ZNF384: variants seen among roughly 807,000 people sequenced by gnomAD.
ZNF384 encodes the protein CAG repeat protein 1.
ZNF384 carries 20 observed loss-of-function variants against 65.0 expected under a neutral mutation model. That is an observed-to-expected ratio of 0.31 (90% CI 0.22 to 0.45). The LOEUF is 0.45. Among genes scored for constraint, ZNF384 ranks in the 20% least tolerant of loss-of-function variants. The pLI, the probability that ZNF384 is intolerant of heterozygous loss-of-function variation, is 1.00. For missense variants in ZNF384, 549 were observed against 769.4 expected, an observed-to-expected ratio of 0.71 and a Z score of 3.39; for synonymous variants, 310 against 303.9, an observed-to-expected ratio of 1.02 and a Z score of -0.21.
In ZNF384 at chr12:6,667,964, T is replaced by A. The variant is rs766619712; in HGVS notation, c.1577A>T (p.Gln526Leu). 6.2e-7 allele frequency: 1 copy of A among 1,611,522 alleles called. No homozygotes were observed. The highest frequency in any genetic ancestry group is 2.2e-5 in the East Asian group (1 of 44,840). The change falls in exon 12 of 12, where the codon CAG becomes CTG. Residue 526 changes from glutamine (Q) to leucine (L), a missense_variant. This residue lies in a region of ZNF384 where 136 missense variants were observed against 183.0 expected (regional missense o/e 0.74). Transcript: ENST00000683879. ...CTGCTGCTGTGATGCCTGGGAGGCCTGGGCCTGGGCCTGGGCTTGAGCCTG... is the reference window on the plus strand; with the variant it reads ...CTGCTGCTGTGATGCCTGGGAGGCCAGGGCCTGGGCCTGGGCTTGAGCCTG... ...QAQAQAQAQAQASQASQQQQQ... is the reference protein window; with the variant it reads ...QAQAQAQAQALASQASQQQQQ...
intron 11 of ZNF384, among the ~76,000 whole-genome samples, chr12:6,668,644 A>T (rs1950385742): frequency 6.6e-6 from 1 of 150,976 alleles, no homozygotes; most frequent in African/African-American, 2.4e-5. Flanking sequence ...TGGAGGTTAC[A>T]GTGAGCCGAG....
intron 9 of ZNF384, 63 bp from the exon 10 acceptor site, chr12:6,670,901 C>CA: frequency 6.8e-7 from 1 of 1,478,780 alleles, no homozygotes; most frequent in Non-Finnish European, 9.4e-7. Context: ...ACTGGCTCAA[C>CA]AAATCTTCTC....
At position 6,678,927 on chromosome 12, in the gene ZNF384, G is replaced by A; in HGVS notation, c.304+19C>T. 1 of 1,609,554 alleles carries A rather than the reference G, an allele frequency of 6.2e-7. No individual in the cohort carries two copies. The highest frequency in any genetic ancestry group is 2.2e-5 in the East Asian group (1 of 44,868). On this transcript the variant is annotated intron_variant, in intron 4 of 11. Coordinates refer to ENST00000683879, the MANE Select transcript of ZNF384 (RefSeq NM_001385745.1). The surrounding 1 kb of genome is among the most constrained non-coding windows in gnomAD (Gnocchi z 4.9). ...TGGAAGATCAACACCTCAGATTGGA[G>A]AAGAGCAGAGTTGCTCACCAGCAGT...
intron 10 of ZNF384, among the ~76,000 whole-genome samples, chr12:6,670,432 T>A (rs1951087243): frequency 6.6e-6 from 1 of 151,988 alleles, no homozygotes; most frequent in Non-Finnish European, 1.5e-5. Flanking sequence ...GTCCCAAAAA[T>A]AAAAAATAGA....
Position 6,673,060 on chromosome 12 carries a change from G to C in ZNF384, c.1004+156C>G. 1 of 709,758 alleles carries C rather than the reference G, an allele frequency of 1.4e-6. No individual in the cohort carries two copies. The highest frequency in any genetic ancestry group is 2.3e-6 in the Non-Finnish European group (1 of 426,682). The allele number at this position is 709,758 out of a possible 1,614,324, so 44.0% of individuals were successfully genotyped here. Reference sequence around the variant, plus strand: ...TTTTCAAGGCCCCCCAAATAGCTAGGATATATAATTTCCACAGACAGTAAT... The same window carrying C: ...TTTTCAAGGCCCCCCAAATAGCTAGCATATATAATTTCCACAGACAGTAAT... On this transcript the variant is annotated intron_variant, in intron 8 of 11. Coordinates refer to ENST00000683879, the MANE Select transcript of ZNF384 (RefSeq NM_001385745.1). This position sits in a 1 kb window ranked among gnomAD's most constrained non-coding sequence, Gnocchi z 4.7.
In ZNF384 at chr12:6,672,084, C is replaced by T. The variant is rs1045182001; in HGVS notation, c.1187+266G>A. ...GAAAATTAGAGAAAAGTTGTTTCTA[C>T]TCCAGGTACGTGTCTGTCTCCCATG... On this transcript the variant is annotated intron_variant, in intron 9 of 11. Coordinates refer to ENST00000683879, the MANE Select transcript of ZNF384 (RefSeq NM_001385745.1). This position sits in a 1 kb window ranked among gnomAD's most constrained non-coding sequence, Gnocchi z 4.4. 5 of 398,810 alleles carry T rather than the reference C, an allele frequency of 1.3e-5. No homozygotes were observed. Among genetic ancestry groups the T allele is most frequent in the African/African-American group, 8.1e-5 (4 of 49,140 alleles). 24.7% of individuals were successfully genotyped at this position (398,810 alleles called of 1,614,324 possible).
At chr12:6,674,685 G>A (rs959181588) in intron 7 of ZNF384, among the ~76,000 whole-genome samples, 7 of 152,324 alleles carry the variant, frequency 4.6e-5, no homozygotes, top group Middle Eastern at 3.4e-3. Flanking sequence ...GTGGGAATCA[G>A]GATGCCTGGG....
intron 11 of ZNF384, among the ~76,000 whole-genome samples, chr12:6,668,755 C>T (rs1211127938): frequency 6.6e-6 from 1 of 151,500 alleles, no homozygotes; most frequent in African/African-American, 2.4e-5. Context: ...TAACTGAAAT[C>T]CAGCTCCCCT....
Position 6,667,431 on chromosome 12 carries a change from T to C in ZNF384, c.*283A>G. On this transcript the variant is annotated 3_prime_UTR_variant, in exon 12 of 12. Transcript: ENST00000683879. Reference sequence around the variant, plus strand: ...GTTCTATGAGGTCATAGCAAATCCTTCCCTTGAGCACCGACCCCCAGTTTT... The same window carrying C: ...GTTCTATGAGGTCATAGCAAATCCTCCCCTTGAGCACCGACCCCCAGTTTT... The C allele has an allele frequency of 1.8e-6, 1 of 549,086 alleles. No homozygotes were observed. Among genetic ancestry groups the C allele is most frequent in the East Asian group, 3.2e-5 (1 of 31,160 alleles). 34.0% of individuals were successfully genotyped at this position (549,086 alleles called of 1,614,324 possible).
chr12:6,674,117 G>A lies in ZNF384; in HGVS notation c.780-677C>T, dbSNP rs545788487. Among the ~76,000 whole-genome samples, 22 of 152,296 alleles carry A rather than the reference G, an allele frequency of 1.4e-4. No individual in the cohort carries two copies. In the South Asian group the frequency reaches 3.9e-3, roughly 27 times the overall value. On this transcript the variant is annotated intron_variant, in intron 7 of 11. Coordinates refer to ENST00000683879, the MANE Select transcript of ZNF384 (RefSeq NM_001385745.1). Reference sequence around the variant, plus strand: ...GAAAACCACTTTTGCAATGACCAACGTAGCTGCTAGGGGAAGGTGCCATCC... The same window carrying A: ...GAAAACCACTTTTGCAATGACCAACATAGCTGCTAGGGGAAGGTGCCATCC...
intron 7 of ZNF384, among the ~76,000 whole-genome samples, chr12:6,675,914 C>A (rs1242949730): frequency 6.6e-6 from 1 of 152,116 alleles, no homozygotes; most frequent in Non-Finnish European, 1.5e-5. Context: ...TAACAGAACC[C>A]AACTGCCCCA....
chr12:6,686,272 G>A (rs530262795), intron 2 of ZNF384, among the ~76,000 whole-genome samples: 32 of 152,224 alleles, frequency 2.1e-4, no homozygotes, highest in African/African-American at 6.5e-4. Flanking sequence ...CTTTTTTTAT[G>A]AGACAGAGTC....
rs1019804705 is a variant in ZNF384, at chr12:6,686,534, G to A, written c.-6+1633C>T. On this transcript the variant is annotated intron_variant, in intron 2 of 11. Coordinates refer to ENST00000683879, the MANE Select transcript of ZNF384 (RefSeq NM_001385745.1). ...CTCCCAAAGTGCTGAGATTACAGGC[G>A]TAAGCCACCGTGCCCGGCCAAGACT... Among the ~76,000 whole-genome samples the A allele has an allele frequency of 3.3e-5, 5 of 152,344 alleles. No individual in the cohort carries two copies. The South Asian group carries it at 6.2e-4, about 19-fold the overall frequency.
At position 6,678,770 on chromosome 12, in the gene ZNF384, T is replaced by C; in HGVS notation, c.305-60A>G. The C allele has an allele frequency of 6.3e-7, 1 of 1,579,046 alleles. No homozygotes were observed. The highest frequency in any genetic ancestry group is 8.7e-7 in the Non-Finnish European group (1 of 1,149,222). The stretch of plus-strand genomic sequence containing the variant: ...AAAGGCAGGGACCGCATCTTCTACT[T>C]CTTTGTATCCCCCACAATGCCTAGC... On this transcript the variant is annotated intron_variant, in intron 4 of 11. Transcript: ENST00000683879. This position sits in a 1 kb window ranked among gnomAD's most constrained non-coding sequence, Gnocchi z 4.9.
intron 10 of ZNF384, 33 bp from the exon 11 acceptor site, chr12:6,669,222 A>G (rs761777205): frequency 5.1e-6 from 8 of 1,575,666 alleles, no homozygotes; most frequent in South Asian, 1.1e-5. Context: ...GAATGAATAC[A>G]TTGTACTCTT....
At chr12:6,669,997 TC>T (rs1950919626) in intron 10 of ZNF384, among the ~76,000 whole-genome samples, 2 of 152,178 alleles carry the variant, frequency 1.3e-5, no homozygotes, top group African/African-American at 4.8e-5. Flanking sequence ...GAAATCTTGT[TC>T]CCCTCAAAAT....
At position 6,672,237 on chromosome 12, in the gene ZNF384, T is replaced by G; in HGVS notation, c.1187+113A>C. 1 of 1,204,820 alleles carries G rather than the reference T, an allele frequency of 8.3e-7. No individual in the cohort carries two copies. The highest frequency in any genetic ancestry group is 1.6e-5 in the South Asian group (1 of 64,098). 74.6% of individuals were successfully genotyped at this position (1,204,820 alleles called of 1,614,324 possible). ...TCCCAGATGCCAGCCAGGTCTCTCC[T>G]CCAGCCAGGTCTCTCCCCCGCCCCC... On this transcript the variant is annotated intron_variant, in intron 9 of 11. Coordinates refer to ENST00000683879, the MANE Select transcript of ZNF384 (RefSeq NM_001385745.1). The surrounding 1 kb of genome is among the most constrained non-coding windows in gnomAD (Gnocchi z 4.4).
rs1565417241 is a variant in ZNF384, at chr12:6,667,677, A to T, written c.*37T>A. 6.2e-7 allele frequency: 1 copy of T among 1,613,218 alleles called. No homozygotes were observed. Among genetic ancestry groups the T allele is most frequent in the South Asian group, 1.1e-5 (1 of 91,056 alleles). On this transcript the variant is annotated 3_prime_UTR_variant, in exon 12 of 12. Coordinates refer to ENST00000683879, the MANE Select transcript of ZNF384 (RefSeq NM_001385745.1). ...GTTGGAGAAAGAAGACACCAGGACT[A>T]CTTCTTCCTCTTCCCAGTGGGTGGC... is the stretch of plus-strand genomic sequence containing the variant.
intron 10 of ZNF384, among the ~76,000 whole-genome samples, chr12:6,669,528 C>T (rs1273530039): frequency 2.0e-5 from 3 of 150,676 alleles, no homozygotes; most frequent in African/African-American, 7.3e-5. Context: ...GATGAAGTCT[C>T]TCACTCTGTC....
Sources: gnomAD v4.1 joint callset for allele counts (sites outside exome capture counted in the v4.1 genomes callset) on GRCh38, gnomAD v4.1.1 for gene constraint, gnomAD v4.1.1 regional missense constraint, Gnocchi (gnomAD v3.1) non-coding constraint, MANE v1.5 for transcripts, NCBI Gene and HGNC (gene_info 2026-07-23, HGNC 2026-07-21) for gene names.